VCL: variants seen among roughly 807,000 people sequenced by gnomAD.
The protein encoded by VCL is epididymis luminal protein 114.
In VCL, 47 loss-of-function variants were observed where a neutral mutation model predicts 125.7. That is an observed-to-expected ratio of 0.37 (90% CI 0.30 to 0.48). The LOEUF is 0.48. VCL is among the 20% of genes least tolerant of loss of function. VCL has a pLI of 0.99. For synonymous variants in VCL, 458 were observed against 514.6 expected, an observed-to-expected ratio of 0.89 and a Z score of 1.49; for missense variants, 1,069 against 1,455.5, an observed-to-expected ratio of 0.73 and a Z score of 4.32.
chr10:74,113,152 GA>G (rs1435852679), intron 19 of VCL, among the ~76,000 whole-genome samples: 5 of 152,186 alleles, frequency 3.3e-5, no homozygotes, highest in Non-Finnish European at 7.3e-5. Flanking sequence ...AGCATGAGGG[GA>G]AAAATGAGTA....
chr10:74,052,946 AATATAT>A (rs71021589), intron 2 of VCL, among the ~76,000 whole-genome samples: 4 of 99,810 alleles, frequency 4.0e-5, no homozygotes, highest in African/African-American at 1.2e-4. Context: ...GAAAAAAAAA[AATATAT>A]ATATATATAT....
In VCL at chr10:74,062,447, C is replaced by T. The variant is rs534454838; in HGVS notation, c.240-8223C>T. Among the ~76,000 whole-genome samples the T allele has an allele frequency of 6.9e-4, 102 of 147,900 alleles. 1 individual carries two copies. The South Asian group carries it at 0.01, about 15-fold the overall frequency. On this transcript the variant is annotated intron_variant, in intron 2 of 21. Coordinates refer to ENST00000211998, the MANE Select transcript of VCL (RefSeq NM_014000.3). Reference sequence around the variant, plus strand: ...CCTTGAACTCCTGGCCTCAAGCAATCCTTCTGCCTCAGCCTCCCAGACCAT... The same window carrying T: ...CCTTGAACTCCTGGCCTCAAGCAATTCTTCTGCCTCAGCCTCCCAGACCAT...
In VCL at chr10:74,109,104, T is replaced by C; in HGVS notation, c.2693T>C (p.Met898Thr). The change falls in exon 18 of 22, where the codon ATG becomes ACG. Residue 898 changes from methionine (M) to threonine (T), a missense_variant. Met to Thr is a moderately conservative substitution (Grantham distance 81). Transcript: ENST00000211998. ...QKAGEVINQP[M>T]MMAARQLHDE... ...GCCGGGGAGGTGATTAACCAGCCAA[T>C]GATGATGGCTGCCAGACAGCTCCAT... The C allele has an allele frequency of 6.2e-7, 1 of 1,613,998 alleles. No individual in the cohort carries two copies. The highest frequency in any genetic ancestry group is 8.5e-7 in the Non-Finnish European group (1 of 1,179,988).
At chr10:74,093,103 C>A (rs979364229) in intron 10 of VCL, among the ~76,000 whole-genome samples, 2 of 152,106 alleles carry the variant, frequency 1.3e-5, no homozygotes, top group African/African-American at 2.4e-5. Context: ...TCGAGACCAG[C>A]CCGGTCAACA....
intron 1 of VCL, among the ~76,000 whole-genome samples, chr10:73,998,934 C>T (rs1161978997): frequency 3.3e-5 from 5 of 152,196 alleles, no homozygotes; most frequent in African/African-American, 1.2e-4. Context: ...CCCCCGCTCC[C>T]CAGAGCTCCC....
intron 7 of VCL, among the ~76,000 whole-genome samples, chr10:74,082,858 A>C (rs1303160827): frequency 6.6e-6 from 1 of 152,240 alleles, no homozygotes; most frequent in Non-Finnish European, 1.5e-5. Flanking sequence ...CTTCTCTTCC[A>C]GTTCCCATTG....
At chr10:74,057,492 C>A (rs193093904) in intron 2 of VCL, among the ~76,000 whole-genome samples, 1 of 152,018 alleles carries the variant, frequency 6.6e-6, no homozygotes, top group Non-Finnish European at 1.5e-5. Flanking sequence ...TCTTAATATG[C>A]GGGAAGGCAG....
intron 19 of VCL, 123 bp from the exon 20 acceptor site, chr10:74,114,061 T>A: frequency 8.7e-7 from 1 of 1,153,324 alleles, no homozygotes; most frequent in Non-Finnish European, 1.3e-6. Flanking sequence ...TTTTCTCCTC[T>A]TCTCACCCTT....
intron 1 of VCL, among the ~76,000 whole-genome samples, chr10:73,999,775 T>C (rs541109021): frequency 6.6e-6 from 1 of 152,370 alleles, no homozygotes; most frequent in South Asian, 2.1e-4. Context: ...CTTTCTTCTC[T>C]ATAGCTTTAG....
At chr10:74,093,607 C>T (rs575287014) in intron 10 of VCL, among the ~76,000 whole-genome samples, 88 of 151,782 alleles carry the variant, frequency 5.8e-4, no homozygotes, top group African/African-American at 1.7e-3. Flanking sequence ...TGGGAAACAT[C>T]GGGAGAATGT....
At chr10:74,095,383 G>A (rs752823245) in intron 11 of VCL, among the ~76,000 whole-genome samples, 3 of 152,108 alleles carry the variant, frequency 2.0e-5, no homozygotes, top group Non-Finnish European at 4.4e-5. Context: ...CTGAACTCAG[G>A]GGTTTGAGAC....
rs753026034 is a variant in VCL, at chr10:74,094,297, G to A, written c.1379G>A (p.Arg460Gln). ...RQGKGDSPEA[R>Q]ALAKQVATAL... ...GGGAAAGGAGATTCTCCAGAGGCTC[G>A]AGCCTTGGCCAAACAGGTGGCCACG... The change falls in exon 11 of 22, where the codon CGA (arginine) becomes CAA (glutamine). Residue 460 changes from arginine (R) to glutamine (Q), a missense_variant. This residue lies in a region of VCL where 760 missense variants were observed against 928.9 expected (regional missense o/e 0.82). Transcript: ENST00000211998. 8 of 1,613,064 alleles carry A rather than the reference G, an allele frequency of 5.0e-6. No individual in the cohort carries two copies. The highest frequency in any genetic ancestry group is 3.3e-4 in the Middle Eastern group (2 of 5,976).
intron 1 of VCL, among the ~76,000 whole-genome samples, chr10:74,002,376 C>T (rs1398889939): frequency 2.6e-5 from 4 of 151,890 alleles, no homozygotes; most frequent in Admixed American, 1.3e-4. Flanking sequence ...CCGCCCGCCT[C>T]GGCCTCCCAA....
chr10:74,091,791 C>CAAAAAAAAAAAAAAAAAAAAA (rs545539526), intron 10 of VCL, among the ~76,000 whole-genome samples: 60 of 61,098 alleles, frequency 9.8e-4, no homozygotes, highest in Admixed American at 1.5e-3. Context: ...TCTGTCTCAG[C>CAAAAAAAAAAAAAAAAAAAAA]AAAAAAAAAA....
intron 1 of VCL, among the ~76,000 whole-genome samples, chr10:74,032,960 A>C (rs1359158012): frequency 3.3e-5 from 5 of 152,168 alleles, no homozygotes. Flanking sequence ...GCCTCTTTGG[A>C]AAATAGTCTG....
intron 1 of VCL, among the ~76,000 whole-genome samples, chr10:74,026,800 G>T (rs1840779972): frequency 6.6e-6 from 1 of 152,196 alleles, no homozygotes; most frequent in Non-Finnish European, 1.5e-5. Flanking sequence ...GTGAGATTCA[G>T]ATTGCTGCAT....
chr10:74,118,249 G>C lies in VCL; in HGVS notation c.*80G>C. The C allele has an allele frequency of 6.3e-7, 1 of 1,583,750 alleles. No individual in the cohort carries two copies. The highest frequency in any genetic ancestry group is 1.1e-5 in the South Asian group (1 of 89,050). ...ATCTGAGTCCCAGGAGCTGCCCAGA[G>C]TTGCTGGGAGCTGAAAAATCACATC... On this transcript the variant is annotated 3_prime_UTR_variant, in exon 22 of 22. Transcript: ENST00000211998.
intron 1 of VCL, among the ~76,000 whole-genome samples, chr10:74,023,533 CT>C (rs1840712786): frequency 6.6e-6 from 1 of 152,240 alleles, no homozygotes; most frequent in African/African-American, 2.4e-5. Flanking sequence ...CTGTAATTCT[CT>C]CAATTCTGAC....
chr10:74,028,783 G>A (rs1322035206), intron 1 of VCL, among the ~76,000 whole-genome samples: 1 of 152,112 alleles, frequency 6.6e-6, no homozygotes, highest in African/African-American at 2.4e-5. Flanking sequence ...CATAATTATT[G>A]CTTGATTTCC....
Sources: gnomAD v4.1 joint callset for allele counts (sites outside exome capture counted in the v4.1 genomes callset) on GRCh38, gnomAD v4.1.1 for gene constraint, gnomAD v4.1.1 regional missense constraint, MANE v1.5 for transcripts, NCBI Gene and HGNC (gene_info 2026-07-23, HGNC 2026-07-21) for gene names.